Variants in CSMD2 observed in about 807,000 individuals in gnomAD.
CSMD2 encodes the protein CUB and sushi domain-containing protein 2.
A neutral mutation model predicts 398.5 loss-of-function variants in CSMD2; 130 were observed. The observed-to-expected ratio is 0.33, with a 90% CI of 0.28 to 0.38. CSMD2 has a LOEUF of 0.38. Ranked by LOEUF, CSMD2 falls within the 10% of genes least tolerant of loss-of-function variation. CSMD2 has a pLI of 1.00. For missense variants in CSMD2, 3,829 were observed against 4,764.9 expected, an observed-to-expected ratio of 0.80 and a Z score of 5.78; for synonymous variants, 1,828 against 1,908.5, an observed-to-expected ratio of 0.96 and a Z score of 1.10.
intron 1 of CSMD2, among the ~76,000 whole-genome samples, chr1:34,139,314 C>T (rs909355028): frequency 1.3e-5 from 2 of 152,138 alleles, no homozygotes; most frequent in African/African-American, 4.8e-5. Context: ...GCACACTCAG[C>T]CCCCCTCACC....
chr1:33,613,829 T>A (rs930753501), intron 40 of CSMD2, among the ~76,000 whole-genome samples: 4 of 152,166 alleles, frequency 2.6e-5, no homozygotes. Context: ...TTGGGTTAAA[T>A]GATATTCCCA....
chr1:33,547,734 T>G (rs1044474859), intron 56 of CSMD2, among the ~76,000 whole-genome samples: 2 of 152,228 alleles, frequency 1.3e-5, no homozygotes, highest in African/African-American at 4.8e-5. Flanking sequence ...TTTTGAAGGT[T>G]GCCAGGATGT....
At chr1:33,717,354 C>T (rs1429606728) in intron 19 of CSMD2, among the ~76,000 whole-genome samples, 1 of 151,912 alleles carries the variant, frequency 6.6e-6, no homozygotes, top group Non-Finnish European at 1.5e-5. Context: ...CTGCTCTGCA[C>T]TGGGAGAGGA....
chr1:34,081,191 TA>T (rs950407124), intron 2 of CSMD2, among the ~76,000 whole-genome samples: 2 of 151,258 alleles, frequency 1.3e-5, no homozygotes, highest in Non-Finnish European at 2.9e-5. Flanking sequence ...GCAAGAACAT[TA>T]AAAAAAAATT....
chr1:34,083,203 T>C (rs1657458630), intron 2 of CSMD2, among the ~76,000 whole-genome samples: 1 of 151,936 alleles, frequency 6.6e-6, no homozygotes, highest in Admixed American at 6.6e-5. Flanking sequence ...TGTGGTTAGA[T>C]CACACACACA....
At chr1:33,531,494 T>C (rs1655228408) in intron 64 of CSMD2, among the ~76,000 whole-genome samples, 1 of 152,162 alleles carries the variant, frequency 6.6e-6, no homozygotes, top group Non-Finnish European at 1.5e-5. Flanking sequence ...ACTGAAAACA[T>C]ATTAAAACAA....
chr1:34,076,744 A>G (rs1314614521), intron 2 of CSMD2, among the ~76,000 whole-genome samples: 2 of 151,438 alleles, frequency 1.3e-5, no homozygotes, highest in African/African-American at 4.9e-5. Flanking sequence ...CAACTAACCT[A>G]TAAGGTAGAT....
At chr1:33,692,698 G>C (rs1645281108) in intron 25 of CSMD2, among the ~76,000 whole-genome samples, 2 of 152,238 alleles carry the variant, frequency 1.3e-5, no homozygotes, top group African/African-American at 2.4e-5. Context: ...CTACTCTGCT[G>C]TAACTGTGCT....
At chr1:33,806,372 T>G (rs1656232093) in intron 10 of CSMD2, among the ~76,000 whole-genome samples, 1 of 152,154 alleles carries the variant, frequency 6.6e-6, no homozygotes, top group Non-Finnish European at 1.5e-5. Flanking sequence ...ACTGAGAATT[T>G]TGTGTGAAGA....
intron 25 of CSMD2, among the ~76,000 whole-genome samples, chr1:33,691,677 T>C (rs940744207): frequency 1.3e-5 from 2 of 152,210 alleles, no homozygotes; most frequent in African/African-American, 4.8e-5. Context: ...AGACTCCTGA[T>C]GGTGTCTCCC....
At chr1:33,650,168 A>G (rs1643676699) in intron 28 of CSMD2, among the ~76,000 whole-genome samples, 1 of 152,188 alleles carries the variant, frequency 6.6e-6, no homozygotes, top group Non-Finnish European at 1.5e-5. Flanking sequence ...AATTTTGAGC[A>G]CCCTCGATAT....
intron 3 of CSMD2, among the ~76,000 whole-genome samples, chr1:33,964,105 G>A (rs1331762398): frequency 2.0e-5 from 3 of 152,176 alleles, no homozygotes; most frequent in Non-Finnish European, 4.4e-5. Flanking sequence ...TGTGGGGTTG[G>A]GGATTAGAAC....
At chr1:33,933,397 T>C (rs1259781192) in intron 4 of CSMD2, among the ~76,000 whole-genome samples, 1 of 152,214 alleles carries the variant, frequency 6.6e-6, no homozygotes, top group Non-Finnish European at 1.5e-5. Context: ...AGCAGAGTGA[T>C]ACCCCCGCTG....
chr1:33,755,478 AAGG>A (rs1648856627), intron 13 of CSMD2, among the ~76,000 whole-genome samples: 1 of 152,188 alleles, frequency 6.6e-6, no homozygotes, highest in South Asian at 2.1e-4. Flanking sequence ...CTTTCTTTCT[AAGG>A]AGAATACTGA....
At position 33,527,198 on chromosome 1, in the gene CSMD2, A is replaced by G; in HGVS notation, c.10232T>C (p.Leu3411Ser). ...TAREPPLTQA[L>S]IPGDVFAKNS... ...CCAATGATCTGGACCATACGTACTC[A>G]AGGCTTGGGTGAGCGGTGGCTCCCG... Residue 3411 changes from leucine to serine, a missense_variant and splice_region_variant, in exon 65 of 71, where the codon TTG (leucine) becomes TCG (serine). Around this residue, in one of 5 missense-constraint regions of CSMD2, gnomAD observed 917 missense variants for 1,199.5 expected, o/e 0.76. Coordinates refer to ENST00000373381, the MANE Select transcript of CSMD2 (RefSeq NM_001281956.2). 1 of 1,613,836 alleles carries G rather than the reference A, an allele frequency of 6.2e-7. No homozygotes were observed. The highest frequency in any genetic ancestry group is 8.5e-7 in the Non-Finnish European group (1 of 1,179,730).
rs148421266 is a variant in CSMD2, at chr1:33,622,684, G to T, written c.5723-413C>A. Among the ~76,000 whole-genome samples the T allele has an allele frequency of 2.8e-3, 432 of 152,238 alleles. 2 individuals carry two copies. The highest frequency in any genetic ancestry group is 9.7e-3 in the African/African-American group (402 of 41,522). On this transcript the variant is annotated intron_variant, in intron 36 of 70. Coordinates refer to ENST00000373381, the MANE Select transcript of CSMD2 (RefSeq NM_001281956.2). ...CTGGGCCTAAAAGATTCAGATAATTGCCCTGGCCACTGGGCACACCTATAC... is the reference window on the plus strand; with the variant it reads ...CTGGGCCTAAAAGATTCAGATAATTTCCCTGGCCACTGGGCACACCTATAC...
chr1:33,884,416 C>A (rs1558051460), intron 5 of CSMD2, among the ~76,000 whole-genome samples: 1 of 151,874 alleles, frequency 6.6e-6, no homozygotes, highest in Non-Finnish European at 1.5e-5. Flanking sequence ...ATCCCACACA[C>A]TGGCCACTCA....
chr1:34,048,354 T>C (rs1173498887), intron 2 of CSMD2, among the ~76,000 whole-genome samples: 1 of 152,206 alleles, frequency 6.6e-6, no homozygotes, highest in African/African-American at 2.4e-5. Flanking sequence ...CCCAGGAGGT[T>C]TGATGGAACA....
chr1:33,914,188 G>C (rs1643605638), intron 5 of CSMD2, among the ~76,000 whole-genome samples: 1 of 152,104 alleles, frequency 6.6e-6, no homozygotes, highest in South Asian at 2.1e-4. Flanking sequence ...GCAGAGCAGA[G>C]AAAGAAAACC....
Sources: allele counts gnomAD v4.1 joint callset (sites outside exome capture counted in the v4.1 genomes callset), GRCh38; gene constraint gnomAD v4.1.1; regional missense constraint gnomAD v4.1.1; transcripts MANE v1.5; gene names NCBI Gene and HGNC (gene_info 2026-07-23, HGNC 2026-07-21).